Variants in MAPK8 observed in about 807,000 individuals in gnomAD.
MAPK8 encodes JUN N-terminal kinase.
Under a neutral mutation model 52.9 loss-of-function variants are expected in MAPK8, and 13 were observed. The ratio of observed to expected loss-of-function variants is 0.25; its 90% CI spans 0.16 to 0.39. MAPK8 has a LOEUF of 0.39. Ranked by LOEUF, MAPK8 falls within the 10% of genes least tolerant of loss-of-function variation. MAPK8 has a pLI of 1.00. For synonymous variants in MAPK8, 191 were observed against 169.8 expected, an observed-to-expected ratio of 1.12 and a Z score of -0.97; for missense variants, 300 against 519.2, an observed-to-expected ratio of 0.58 and a Z score of 4.10.
intron 11 of MAPK8, among the ~76,000 whole-genome samples, chr10:48,433,586 C>A (rs2044555308): frequency 6.6e-6 from 1 of 152,194 alleles, no homozygotes; most frequent in Non-Finnish European, 1.5e-5. Context: ...CTGCTTTTCT[C>A]TTCCGTTTCA....
intron 10 of MAPK8, among the ~76,000 whole-genome samples, chr10:48,427,743 C>T (rs559005543): frequency 3.3e-5 from 5 of 152,292 alleles, no homozygotes; most frequent in Non-Finnish European, 7.4e-5. Context: ...CCACCCGCCT[C>T]GGCCTCCCAA....
chr10:48,368,848 G>C (rs1309803271), intron 1 of MAPK8, among the ~76,000 whole-genome samples: 1 of 152,164 alleles, frequency 6.6e-6, no homozygotes, highest in Non-Finnish European at 1.5e-5. Flanking sequence ...CTCTTCTGTT[G>C]TATCGCATAG....
intron 1 of MAPK8, among the ~76,000 whole-genome samples, chr10:48,325,397 A>C (rs1843415507): frequency 6.6e-6 from 1 of 152,248 alleles, no homozygotes; most frequent in African/African-American, 2.4e-5. Flanking sequence ...ACCAATTTTG[A>C]AAATTTAACC....
chr10:48,328,601 C>T (rs1035443159), intron 1 of MAPK8, among the ~76,000 whole-genome samples: 15 of 152,158 alleles, frequency 9.9e-5, no homozygotes, highest in Admixed American at 2.6e-4. Flanking sequence ...TGTGATTGCT[C>T]ACTTCTTTCA....
chr10:48,307,566 G>A (rs1468188778), intron 1 of MAPK8, among the ~76,000 whole-genome samples: 1 of 152,198 alleles, frequency 6.6e-6, no homozygotes, highest in Non-Finnish European at 1.5e-5. Context: ...TTCAGAGATG[G>A]TAGAACCAAG....
chr10:48,326,995 A>T (rs1330784184), intron 1 of MAPK8, among the ~76,000 whole-genome samples: 1 of 152,206 alleles, frequency 6.6e-6, no homozygotes, highest in African/African-American at 2.4e-5. Context: ...CTAAGTGGAC[A>T]ATCATGTCAT....
intron 1 of MAPK8, among the ~76,000 whole-genome samples, chr10:48,319,535 G>A (rs1018600820): frequency 1.3e-5 from 2 of 152,114 alleles, no homozygotes; most frequent in African/African-American, 4.8e-5. Flanking sequence ...TGTTGCCCAG[G>A]CTGGAGTGCA....
chr10:48,326,949 TTG>T (rs1843581415), intron 1 of MAPK8, among the ~76,000 whole-genome samples: 1 of 152,338 alleles, frequency 6.6e-6, no homozygotes, highest in African/African-American at 2.4e-5. Flanking sequence ...TTTTGTTTGT[TTG>T]TTTGTTTTTT....
chr10:48,388,146 G>A (rs962931091), intron 1 of MAPK8, among the ~76,000 whole-genome samples: 11 of 152,108 alleles, frequency 7.2e-5, no homozygotes, highest in Non-Finnish European at 1.6e-4. Context: ...TTGCCTGCCA[G>A]CTTTACTTCA....
chr10:48,424,842 G>A (rs2043579504), intron 7 of MAPK8, among the ~76,000 whole-genome samples: 1 of 151,968 alleles, frequency 6.6e-6, no homozygotes, highest in African/African-American at 2.4e-5. Context: ...CAAAAATCAT[G>A]GCTTGCATTA....
chr10:48,339,556 A>C (rs1845031604), intron 1 of MAPK8, among the ~76,000 whole-genome samples: 1 of 152,192 alleles, frequency 6.6e-6, no homozygotes, highest in Non-Finnish European at 1.5e-5. Flanking sequence ...CAAATGCAAC[A>C]AAAACAAAAC....
At chr10:48,325,922 A>C (rs1416802992) in intron 1 of MAPK8, 1 of 152,218 alleles carries the variant, frequency 6.6e-6, no homozygotes, top group African/African-American at 2.4e-5. Flanking sequence ...TTCTAGAAGG[A>C]AAATCACAGA....
chr10:48,384,120 C>T (rs764404630), intron 1 of MAPK8, among the ~76,000 whole-genome samples: 10 of 152,102 alleles, frequency 6.6e-5, no homozygotes, highest in Non-Finnish European at 1.3e-4. Context: ...GGTGTGGTAG[C>T]GGGCACCTGT....
intron 1 of MAPK8, among the ~76,000 whole-genome samples, chr10:48,375,582 A>T (rs781002345): frequency 6.6e-6 from 1 of 152,240 alleles, no homozygotes; most frequent in Non-Finnish European, 1.5e-5. Flanking sequence ...AAACATTCCT[A>T]TACATCAATA....
At chr10:48,400,082 A>T (rs964164362) in intron 1 of MAPK8, among the ~76,000 whole-genome samples, 2 of 152,216 alleles carry the variant, frequency 1.3e-5, no homozygotes, top group African/African-American at 2.4e-5. Flanking sequence ...AATTCAGGTT[A>T]TGGTAGGAAA....
At chr10:48,342,515 G>A (rs888166986) in intron 1 of MAPK8, among the ~76,000 whole-genome samples, 14 of 152,188 alleles carry the variant, frequency 9.2e-5, no homozygotes, top group Admixed American at 1.3e-4. Context: ...TTTTAAATAA[G>A]AAAACATAAT....
rs370766776 is a variant in MAPK8 at position 48,324,503 on chromosome 10, G to GTTTTTTTTTTTTTTTTTTTTTTT, written c.-50+17699_-50+17700insTTTTTTTTTTTTTTTTTTTTTTT. On this transcript the variant is annotated intron_variant, in intron 1 of 11. Transcript: ENST00000374189. Reference sequence around the variant, plus strand: ...TATACAACAGTTGTCCTGTTTTCTAGTTTTTTTTTTTTTTTTTACACTCAT... The same window carrying GTTTTTTTTTTTTTTTTTTTTTTT: ...TATACAACAGTTGTCCTGTTTTCTAGTTTTTTTTTTTTTTTTTTTTTTTTTTTTTTTTTTTTTTTTACACTCAT... Among the ~76,000 whole-genome samples the GTTTTTTTTTTTTTTTTTTTTTTT allele has an allele frequency of 1.1e-3, 125 of 117,956 alleles. 8 individuals are homozygous for GTTTTTTTTTTTTTTTTTTTTTTT. Among genetic ancestry groups the GTTTTTTTTTTTTTTTTTTTTTTT allele is most frequent in the African/African-American group, 2.0e-3 (56 of 28,076 alleles). 77.4% of individuals were successfully genotyped at this position (117,956 alleles called of 152,430 possible). A position where few individuals can be genotyped will look rare whatever the true frequency, so the allele number is the denominator to read the frequency against.
intron 1 of MAPK8, among the ~76,000 whole-genome samples, chr10:48,355,362 A>T (rs1359260470): frequency 6.6e-6 from 1 of 152,082 alleles, no homozygotes; most frequent in Non-Finnish European, 1.5e-5. Context: ...ACAAAAAATT[A>T]GCCGGGTGTA....
intron 1 of MAPK8, among the ~76,000 whole-genome samples, chr10:48,388,598 A>G (rs1715481190): frequency 6.6e-6 from 1 of 152,116 alleles, no homozygotes; most frequent in Non-Finnish European, 1.5e-5. Flanking sequence ...CTTTTCTAGC[A>G]TGTTCCCCCC....
Sources: gnomAD v4.1 joint callset for allele counts (sites outside exome capture counted in the v4.1 genomes callset) on GRCh38, gnomAD v4.1.1 for gene constraint, MANE v1.5 for transcripts, NCBI Gene and HGNC (gene_info 2026-07-23, HGNC 2026-07-21) for gene names.